The following PKHD1 variants were observed in gnomAD, a reference collection of about 807,000 sequenced individuals.
PKHD1 encodes the protein PKHD1 ciliary IPT domain containing fibrocystin/polyductin.
In PKHD1, 291 loss-of-function variants were observed where a neutral mutation model predicts 412.0. The observed-to-expected ratio is 0.71, with a 90% CI of 0.64 to 0.78. PKHD1 has a LOEUF of 0.78. Among genes scored for constraint, PKHD1 ranks in the 30% least tolerant of loss-of-function variants. PKHD1 has a pLI of 0.00. For missense variants in PKHD1, 4,825 were observed against 4,950.7 expected (o/e 0.97, Z 0.76); for synonymous variants, 1,777 against 1,821.5 (o/e 0.98, Z 0.62).
At chr6:51,907,407 C>T (rs1782277820) in intron 40 of PKHD1, among the ~76,000 whole-genome samples, 1 of 152,122 alleles carries the variant, frequency 6.6e-6, no homozygotes, top group Non-Finnish European at 1.5e-5. Flanking sequence ...AAGGATCCAC[C>T]CCAATAAATT....
chr6:51,754,723 G>A (rs1562238891), intron 56 of PKHD1, 61 bp downstream of exon 56: 4 of 1,461,828 alleles, frequency 2.7e-6, no homozygotes, highest in Non-Finnish European at 2.9e-6. Context: ...CCCCAGCTAG[G>A]TTACCAAACA....
chr6:51,857,433 T>C (rs539564582), intron 48 of PKHD1, among the ~76,000 whole-genome samples: 60 of 152,380 alleles, frequency 3.9e-4, no homozygotes, highest in African/African-American at 1.4e-3. Context: ...AGGAACTTTT[T>C]TAAGTGTTGC....
intron 60 of PKHD1, among the ~76,000 whole-genome samples, chr6:51,660,685 G>A (rs113424521): frequency 2.0e-5 from 3 of 152,098 alleles, no homozygotes; most frequent in Admixed American, 6.6e-5. Context: ...TACAAAAGAC[G>A]CAGATGAACA....
At chr6:52,034,738 A>G (rs1417136949) in intron 28 of PKHD1, among the ~76,000 whole-genome samples, 1 of 152,236 alleles carries the variant, frequency 6.6e-6, no homozygotes, top group Non-Finnish European at 1.5e-5. Context: ...TTTAGAAATT[A>G]TCTAAGTGTC....
intron 60 of PKHD1, among the ~76,000 whole-genome samples, chr6:51,702,213 A>AATATATTATATATATTATACGTATAAT (rs1779527512): frequency 1.4e-5 from 2 of 147,252 alleles, no homozygotes; most frequent in African/African-American, 2.5e-5. Context: ...TATAATATAT[A>AATATATTATATATATTATACGTATAAT]ATATATTATA....
chr6:51,914,043 G>GA, intron 37 of PKHD1, among the ~76,000 whole-genome samples: 1 of 152,116 alleles, frequency 6.6e-6, no homozygotes, highest in Middle Eastern at 3.4e-3. Flanking sequence ...TGCCTACATA[G>GA]AAAAATCTCT....
rs1363597984 is a variant in PKHD1, at chr6:51,754,884, G to A, written c.8697C>T (p.Ser2899=). Residue 2899 remains serine, a synonymous_variant, in exon 56 of 67, where the codon AGC becomes AGT. Transcript: ENST00000371117. The part of the protein sequence containing the change: ...DWRPHDKIVL[S]SSSYEPHEAE... ...CTTCATGAGGCTCATAAGAAGAGGAGCTAAGGACTATTTTGTCATGGGGGC... is the reference window on the plus strand; with the variant it reads ...CTTCATGAGGCTCATAAGAAGAGGAACTAAGGACTATTTTGTCATGGGGGC... The A allele has an allele frequency of 1.2e-6, 2 of 1,613,166 alleles. No individual in the cohort carries two copies. The highest frequency in any genetic ancestry group is 1.7e-6 in the Non-Finnish European group (2 of 1,179,164).
In PKHD1 at chr6:51,791,457, A is replaced by G. The variant is rs561042242; in HGVS notation, c.8303-84T>C. On this transcript the variant is annotated intron_variant, in intron 52 of 66. Coordinates refer to ENST00000371117, the MANE Select transcript of PKHD1 (RefSeq NM_138694.4). ...TCTGGGGTTCTCCCAGCAGTTTGGG[A>G]GCTGTGTACAGTGTTATCTAAACCA... The G allele has an allele frequency of 4.4e-5, 55 of 1,263,524 alleles. 2 individuals are homozygous for G. The South Asian group carries it at 6.5e-4, about 15-fold the overall frequency. 78.3% of individuals were successfully genotyped at this position (1,263,524 alleles called of 1,614,324 possible).
chr6:51,631,254 G>A (rs1767890539), intron 65 of PKHD1, among the ~76,000 whole-genome samples: 1 of 152,132 alleles, frequency 6.6e-6, no homozygotes, highest in South Asian at 2.1e-4. Context: ...AATGTAGATA[G>A]AACTTTAAGA....
chr6:51,735,684 G>A (rs1330254160), intron 60 of PKHD1, among the ~76,000 whole-genome samples: 3 of 152,102 alleles, frequency 2.0e-5, no homozygotes, highest in Admixed American at 2.0e-4. Context: ...GCAGCACTTT[G>A]GGAGGCCAAG....
chr6:51,914,595 T>G (rs1171624732), intron 37 of PKHD1, among the ~76,000 whole-genome samples: 1 of 152,078 alleles, frequency 6.6e-6, no homozygotes, highest in East Asian at 1.9e-4. Flanking sequence ...TTAAACAAAT[T>G]TTGTGCTAAG....
intron 64 of PKHD1, among the ~76,000 whole-genome samples, chr6:51,634,050 A>T (rs1768242954): frequency 6.6e-6 from 1 of 151,998 alleles, no homozygotes; most frequent in Non-Finnish European, 1.5e-5. Context: ...TCTCAATACA[A>T]ACAGGTTTAT....
chr6:51,635,297 G>GA (rs1376703525), intron 64 of PKHD1, among the ~76,000 whole-genome samples: 1 of 152,082 alleles, frequency 6.6e-6, no homozygotes, highest in African/African-American at 2.4e-5. Flanking sequence ...TTTTTGTATA[G>GA]AACACAAAAA....
intron 15 of PKHD1, among the ~76,000 whole-genome samples, chr6:52,059,219 G>T (rs1582018775): frequency 6.7e-6 from 1 of 149,904 alleles, no homozygotes. Context: ...TATCCAAGTG[G>T]ATTGGGCACA....
At chr6:51,788,501 G>A (rs1370352400) in intron 53 of PKHD1, among the ~76,000 whole-genome samples, 2 of 151,586 alleles carry the variant, frequency 1.3e-5, no homozygotes, top group Non-Finnish European at 2.9e-5. Flanking sequence ...GAAGACAGGA[G>A]GGAAACAAAA....
intron 35 of PKHD1, among the ~76,000 whole-genome samples, chr6:51,983,672 T>C (rs1187812380): frequency 6.6e-6 from 1 of 152,236 alleles, no homozygotes; most frequent in African/African-American, 2.4e-5. Flanking sequence ...ATGGTCATCT[T>C]TCTTCTCATT....
intron 60 of PKHD1, among the ~76,000 whole-genome samples, chr6:51,696,759 T>C (rs1482758834): frequency 6.6e-6 from 1 of 152,150 alleles, no homozygotes; most frequent in African/African-American, 2.4e-5. Flanking sequence ...GCTGATGGGA[T>C]ATGAGGTCCA....
chr6:51,663,370 A>G (rs1325774861), intron 60 of PKHD1, among the ~76,000 whole-genome samples: 2 of 152,132 alleles, frequency 1.3e-5, no homozygotes, highest in African/African-American at 4.8e-5. Flanking sequence ...CTAAAGATGT[A>G]CAGTTCTGTT....
chr6:52,069,387 A>C (rs1810244746), intron 11 of PKHD1, 70 bp downstream of exon 11: 1 of 1,113,640 alleles, frequency 9.0e-7, no homozygotes, highest in African/African-American at 1.5e-5. Context: ...AATGGCCAAA[A>C]GATAGGGAAG....
Sources: gnomAD v4.1 joint callset for allele counts (sites outside exome capture counted in the v4.1 genomes callset) on GRCh38, gnomAD v4.1.1 for gene constraint, MANE v1.5 for transcripts, NCBI Gene and HGNC (gene_info 2026-07-23, HGNC 2026-07-21) for gene names.